Variants in RASAL2 observed in about 807,000 individuals in gnomAD.
RASAL2 encodes ras GTPase-activating protein nGAP.
Under a neutral mutation model 128.9 loss-of-function variants are expected in RASAL2, and 58 were observed. That is an observed-to-expected ratio of 0.45 (90% CI 0.36 to 0.56). RASAL2 has a LOEUF of 0.56. Ranked by LOEUF, RASAL2 falls within the 20% of genes least tolerant of loss-of-function variation. RASAL2 has a pLI of 0.00. For missense variants in RASAL2, 1,360 were observed against 1,601.6 expected (o/e 0.85, Z 2.57); for synonymous variants, 561 against 580.8 (o/e 0.97, Z 0.49).
At chr1:178,373,886 G>A (rs3791027) in intron 3 of RASAL2, among the ~76,000 whole-genome samples, 11,204 of 152,050 alleles carry the variant, frequency 0.074, 815 homozygotes, top group African/African-American at 0.19. Context: ...AGAAAAAAAC[G>A]CAAATTTCCA....
At chr1:178,267,833 C>G (rs942799830) in intron 1 of RASAL2, among the ~76,000 whole-genome samples, 1 of 151,866 alleles carries the variant, frequency 6.6e-6, no homozygotes, top group African/African-American at 2.4e-5. Flanking sequence ...TCATGGAGCC[C>G]TCCTCTTCTT....
In RASAL2 at chr1:178,473,326, A is replaced by T; in HGVS notation, c.*87A>T. The T allele has an allele frequency of 6.7e-7, 1 of 1,487,438 alleles. No individual in the cohort carries two copies. The highest frequency in any genetic ancestry group is 1.2e-5 in the South Asian group (1 of 85,556). 92.1% of individuals were successfully genotyped at this position (1,487,438 alleles called of 1,614,324 possible). On this transcript the variant is annotated 3_prime_UTR_variant, in exon 18 of 18. Coordinates refer to ENST00000367649, the MANE Select transcript of RASAL2 (RefSeq NM_170692.4). Reference sequence around the variant, plus strand: ...TACCTAGCCCCTCCAGGTTTACAGAATGTTGCTACTTCACAATGGCGATGT... The same window carrying T: ...TACCTAGCCCCTCCAGGTTTACAGATTGTTGCTACTTCACAATGGCGATGT...
At chr1:178,402,064 T>C (rs1041576744) in intron 4 of RASAL2, among the ~76,000 whole-genome samples, 2 of 152,194 alleles carry the variant, frequency 1.3e-5, no homozygotes, top group African/African-American at 4.8e-5. Flanking sequence ...ATGATTTCTT[T>C]TCTGTAGTAA....
chr1:178,253,107 C>G (rs1462487565), intron 1 of RASAL2, among the ~76,000 whole-genome samples: 1 of 152,120 alleles, frequency 6.6e-6, no homozygotes, highest in Non-Finnish European at 1.5e-5. Context: ...GAGGGAAAAT[C>G]TGTTTCATGC....
chr1:178,325,169 A>G (rs1003690069), intron 3 of RASAL2, among the ~76,000 whole-genome samples: 1 of 152,154 alleles, frequency 6.6e-6, no homozygotes, highest in Non-Finnish European at 1.5e-5. Flanking sequence ...CAACATTCCT[A>G]TTTTGTCTGT....
rs746283650 is a variant in RASAL2 at position 178,473,205 on chromosome 1, C to T, written c.3809C>T (p.Thr1270Met). The change falls in exon 18 of 18, where the codon ACG becomes ATG. Residue 1270 changes from threonine (T) to methionine (M), a missense_variant. Around this residue, in one of 3 missense-constraint regions of RASAL2, gnomAD observed 741 missense variants for 868.6 expected, o/e 0.85. Coordinates refer to ENST00000367649, the MANE Select transcript of RASAL2 (RefSeq NM_170692.4). ...SPTNPTKLSITENGEFKNSSC is the reference protein window; with the variant it reads ...SPTNPTKLSIMENGEFKNSSC ...ACCAACCCCACCAAGCTTTCCATCACGGAGAATGGTGAATTCAAAAACAGC... is the reference window on the plus strand; with the variant it reads ...ACCAACCCCACCAAGCTTTCCATCATGGAGAATGGTGAATTCAAAAACAGC... 12 of 1,614,052 alleles carry T rather than the reference C, an allele frequency of 7.4e-6. No homozygotes were observed. The highest frequency in any genetic ancestry group is 4.4e-5 in the South Asian group (4 of 91,082).
chr1:178,131,068 A>C (rs1046859485), intron 1 of RASAL2, among the ~76,000 whole-genome samples: 13 of 150,936 alleles, frequency 8.6e-5, no homozygotes, highest in East Asian at 5.8e-4. Context: ...AACAAACAAA[A>C]AAAAAACAAA....
At chr1:178,113,507 TGCGA>T (rs1041961767) in intron 1 of RASAL2, among the ~76,000 whole-genome samples, 2 of 140,070 alleles carry the variant, frequency 1.4e-5, no homozygotes, top group East Asian at 2.1e-4. Context: ...CATGCATGCC[TGCGA>T]GTGTGTGTGT....
chr1:178,263,793 G>T (rs1665809603), intron 1 of RASAL2, among the ~76,000 whole-genome samples: 1 of 152,046 alleles, frequency 6.6e-6, no homozygotes, highest in Admixed American at 6.5e-5. Flanking sequence ...GGACTCAAGC[G>T]ATCCTCCCCC....
chr1:178,222,356 T>C (rs1663644375), intron 1 of RASAL2, among the ~76,000 whole-genome samples: 1 of 152,154 alleles, frequency 6.6e-6, no homozygotes, highest in Non-Finnish European at 1.5e-5. Flanking sequence ...CTGGTTTAAT[T>C]GAGCATTTTG....
chr1:178,290,776 C>T (rs887375066), intron 2 of RASAL2, among the ~76,000 whole-genome samples: 6 of 151,894 alleles, frequency 4.0e-5, no homozygotes, highest in South Asian at 2.1e-4. Flanking sequence ...CCTGGGTTCA[C>T]GCCATTCTCC....
intron 3 of RASAL2, among the ~76,000 whole-genome samples, chr1:178,303,349 G>C (rs574106798): frequency 7.1e-4 from 108 of 152,018 alleles, no homozygotes; most frequent in Non-Finnish European, 1.1e-3. Context: ...GATAAAGAAA[G>C]ATTTCTTAAG....
intron 4 of RASAL2, among the ~76,000 whole-genome samples, chr1:178,400,584 T>C (rs1369787688): frequency 6.6e-6 from 1 of 152,122 alleles, no homozygotes; most frequent in Non-Finnish European, 1.5e-5. Context: ...TCATTTGGGG[T>C]GCAGAAAGAA....
chr1:178,357,193 T>C lies in RASAL2; in HGVS notation c.458-32907T>C, dbSNP rs1006583398. Among the ~76,000 whole-genome samples, 151 of 152,350 alleles carry C rather than the reference T, an allele frequency of 9.9e-4. 1 individual carries two copies. Among genetic ancestry groups the C allele is most frequent in the Non-Finnish European group, 1.9e-4 (13 of 68,022 alleles). On this transcript the variant is annotated intron_variant, in intron 3 of 17. Coordinates refer to ENST00000367649, the MANE Select transcript of RASAL2 (RefSeq NM_170692.4). ...TTGCTATTTGAAGCTTTTAATTTTT[T>C]ATTGTTCAATCTGTCTCTCTTTTCC...
chr1:178,290,730 C>A (rs1339967608), intron 2 of RASAL2, among the ~76,000 whole-genome samples: 1 of 152,040 alleles, frequency 6.6e-6, no homozygotes, highest in Non-Finnish European at 1.5e-5. Flanking sequence ...GGCTGAAGTG[C>A]GGTGGTGCGA....
At chr1:178,380,169 G>A (rs1384043737) in intron 3 of RASAL2, among the ~76,000 whole-genome samples, 1 of 152,162 alleles carries the variant, frequency 6.6e-6, no homozygotes, top group East Asian at 1.9e-4. Context: ...GATTACAGGC[G>A]TGAGTCACCG....
chr1:178,189,224 C>T (rs1251842618), intron 1 of RASAL2, among the ~76,000 whole-genome samples: 4 of 152,062 alleles, frequency 2.6e-5, no homozygotes, highest in African/African-American at 9.7e-5. Flanking sequence ...TTCTTATATT[C>T]CTTGGTATGT....
At chr1:178,096,381 T>G (rs1371572714) in intron 1 of RASAL2, among the ~76,000 whole-genome samples, 1 of 152,160 alleles carries the variant, frequency 6.6e-6, no homozygotes, top group Non-Finnish European at 1.5e-5. Context: ...GTTCTTCATT[T>G]GTAAGGACAT....
intron 3 of RASAL2, among the ~76,000 whole-genome samples, chr1:178,337,757 G>C (rs763092010): frequency 6.6e-6 from 1 of 151,594 alleles, no homozygotes; most frequent in East Asian, 1.9e-4. Context: ...TTGAGACGGA[G>C]TTTTGCTCTT....
Sources: allele counts gnomAD v4.1 joint callset (sites outside exome capture counted in the v4.1 genomes callset), GRCh38; gene constraint gnomAD v4.1.1; regional missense constraint gnomAD v4.1.1; transcripts MANE v1.5; gene names NCBI Gene and HGNC (gene_info 2026-07-23, HGNC 2026-07-21).